TRPC3: variants seen among roughly 807,000 people sequenced by gnomAD.
TRPC3 encodes the protein short transient receptor potential channel 3.
In TRPC3, 54 loss-of-function variants were observed where a neutral mutation model predicts 90.9. The ratio of observed to expected loss-of-function variants is 0.59; its 90% confidence interval spans 0.48 to 0.75. The LOEUF (loss-of-function observed/expected upper bound fraction) is 0.75. Among genes scored for constraint, TRPC3 ranks in the 30% least tolerant of loss-of-function variants. The pLI, the probability that TRPC3 is intolerant of heterozygous loss-of-function variation, is 0.00. For missense variants in TRPC3, 918 were observed against 1,194.5 expected (o/e 0.77, Z 3.41); for synonymous variants, 424 against 450.9 (o/e 0.94, Z 0.75).
intron 2 of TRPC3, among the ~76,000 whole-genome samples, chr4:121,930,456 A>T (rs191290784): frequency 1.3e-5 from 2 of 152,238 alleles, no homozygotes; most frequent in East Asian, 3.9e-4. Context: ...AATAAGGGAG[A>T]TTCTAAGCAT....
intron 7 of TRPC3, among the ~76,000 whole-genome samples, chr4:121,905,935 T>C (rs1345120445): frequency 1.3e-5 from 2 of 152,094 alleles, no homozygotes; most frequent in African/African-American, 4.8e-5. Flanking sequence ...GTTCCTACCA[T>C]TTATTTAACC....
In TRPC3 at chr4:121,912,091, C is replaced by T. The variant is rs941392948; in HGVS notation, c.1344G>A (p.Leu448=). The change falls in exon 5 of 12, where the codon CTG becomes CTA. Residue 448 remains leucine (L), a splice_region_variant and synonymous_variant. Coordinates refer to ENST00000379645, the MANE Select transcript of TRPC3 (RefSeq NM_001130698.2). ...IGYWIAPCSR[L]GKILRSPFMK... ...TAAAAGGGCTTCGCAGAATTTTCCC[C>T]AGCTGTAACAAACCAAAGAGGAAAA... 1 of 1,612,808 alleles carries T rather than the reference C, an allele frequency of 6.2e-7. No individual in the cohort carries two copies. The highest frequency in any genetic ancestry group is 8.5e-7 in the Non-Finnish European group (1 of 1,179,406).
chr4:121,951,768 A>G lies in TRPC3; in HGVS notation c.-88T>C. ...TGCAGTCTTCCCGCGGCGCCCCTTCACCACCTCCCGCGGCTTCCGGGGCCC... is the reference window on the plus strand; with the variant it reads ...TGCAGTCTTCCCGCGGCGCCCCTTCGCCACCTCCCGCGGCTTCCGGGGCCC... On this transcript the variant is annotated 5_prime_UTR_variant, in exon 1 of 12. Coordinates refer to ENST00000379645, the MANE Select transcript of TRPC3 (RefSeq NM_001130698.2). The surrounding 1 kb of genome is among the most constrained non-coding windows in gnomAD (Gnocchi z 4.4). 3 of 1,119,520 alleles carry G rather than the reference A, an allele frequency of 2.7e-6. No individual in the cohort carries two copies. Among genetic ancestry groups the G allele is most frequent in the Non-Finnish European group, 3.5e-6 (3 of 865,534 alleles). 69.3% of individuals were successfully genotyped at this position (1,119,520 alleles called of 1,614,324 possible). A position where few individuals can be genotyped will look rare whatever the true frequency, so the allele number is the denominator to read the frequency against.
chr4:121,877,304 G>A lies in TRPC3; in HGVS notation c.*2432C>T, dbSNP rs1727790307. Among the ~76,000 whole-genome samples the A allele has an allele frequency of 6.6e-6, 1 of 152,210 alleles. No individual in the cohort carries two copies. The highest frequency in any genetic ancestry group is 6.5e-5 in the Admixed American group (1 of 15,282). On this transcript the variant is annotated 3_prime_UTR_variant, in exon 12 of 12. Transcript: ENST00000379645. ...AAAGGGAAGGAAGGAAACTGGAAAA[G>A]GCAGAGGAAGAATCTAAACCAGGAT...
intron 10 of TRPC3, among the ~76,000 whole-genome samples, chr4:121,896,756 A>C (rs1043296925): frequency 1.3e-5 from 2 of 152,134 alleles, no homozygotes; most frequent in African/African-American, 4.8e-5. Flanking sequence ...TCCTATCAAA[A>C]TACCAATGAC....
chr4:121,934,926 C>G (rs1730079819), intron 1 of TRPC3, among the ~76,000 whole-genome samples: 1 of 152,092 alleles, frequency 6.6e-6, no homozygotes, highest in African/African-American at 2.4e-5. Context: ...TGACTGGCAC[C>G]CAATTCTAAT....
intron 3 of TRPC3, among the ~76,000 whole-genome samples, chr4:121,919,352 G>A (rs1374087743): frequency 6.6e-6 from 1 of 152,170 alleles, no homozygotes; most frequent in African/African-American, 2.4e-5. Context: ...TACTGTTAGA[G>A]CCACAATTCA....
intron 9 of TRPC3, among the ~76,000 whole-genome samples, chr4:121,902,634 G>GT (rs1728741553): frequency 1.3e-5 from 2 of 152,144 alleles, no homozygotes; most frequent in Non-Finnish European, 2.9e-5. Flanking sequence ...TAATCTGGCA[G>GT]TTTATATGAT....
chr4:121,947,183 C>CAAA lies in TRPC3; in HGVS notation c.215+4280_215+4282dup, dbSNP rs11457162. Among the ~76,000 whole-genome samples, 63 of 91,964 alleles carry CAAA rather than the reference C, an allele frequency of 6.9e-4. 1 individual carries two copies. Among genetic ancestry groups the CAAA allele is most frequent in the African/African-American group, 2.3e-3 (54 of 23,192 alleles). The allele number at this position is 91,964 out of a possible 152,430, so 60.3% of individuals were successfully genotyped here. A position where few individuals can be genotyped will look rare whatever the true frequency, so the allele number is the denominator to read the frequency against. On this transcript the variant is annotated intron_variant, in intron 1 of 11. Transcript: ENST00000379645. Reference sequence around the variant, plus strand: ...TAGGTGATAGAGTGAGACTCTGTCTCAAAAAAAAAAAAAAAAAAAGAATTA... The same window carrying CAAA: ...TAGGTGATAGAGTGAGACTCTGTCTCAAAAAAAAAAAAAAAAAAAAAAGAATTA...
chr4:121,921,251 G>C (rs1043123867), intron 3 of TRPC3, among the ~76,000 whole-genome samples: 1 of 151,976 alleles, frequency 6.6e-6, no homozygotes, highest in Non-Finnish European at 1.5e-5. Context: ...GGCCGGGCGC[G>C]GTGGCTCACG....
chr4:121,935,395 G>A (rs557264242), intron 1 of TRPC3, among the ~76,000 whole-genome samples: 2 of 149,746 alleles, frequency 1.3e-5, no homozygotes, highest in South Asian at 4.3e-4. Context: ...AAGGGTGCAA[G>A]TCTGAGTTGG....
chr4:121,900,546 C>G lies in TRPC3; in HGVS notation c.2464-851G>C, dbSNP rs563900494. Reference sequence around the variant, plus strand: ...CAATTGTGCCTGGAGAAAACCTTAGCTAACAAAGTTAATTCTCCAATCGGC... The same window carrying G: ...CAATTGTGCCTGGAGAAAACCTTAGGTAACAAAGTTAATTCTCCAATCGGC... On this transcript the variant is annotated intron_variant, in intron 9 of 11. Transcript: ENST00000379645. 2.0e-5 allele frequency among the ~76,000 whole-genome samples: 3 copies of G among 152,316 alleles called. No individual in the cohort carries two copies. The South Asian group carries it at 6.2e-4, about 32-fold the overall frequency.
intron 2 of TRPC3, among the ~76,000 whole-genome samples, chr4:121,931,664 G>C (rs575207088): frequency 2.6e-4 from 39 of 152,204 alleles, no homozygotes; most frequent in Non-Finnish European, 5.1e-4. Context: ...AATTCAGGGA[G>C]AGGCATTTTG....
chr4:121,882,464 GATATAC>G, intron 10 of TRPC3, 35 bp from the exon 11 acceptor site: 1 of 1,590,116 alleles, frequency 6.3e-7, no homozygotes. Flanking sequence ...GATCTCCAAT[GATATAC>G]ATAAGTGCCC....
At chr4:121,899,437 A>T (rs1728627988) in intron 10 of TRPC3, among the ~76,000 whole-genome samples, 175 bp downstream of exon 10, 2 of 151,756 alleles carry the variant, frequency 1.3e-5, no homozygotes, top group East Asian at 1.9e-4. Context: ...TTTATTTTTA[A>T]TTTTTTTTTA....
At chr4:121,890,103 T>C (rs1305592560) in intron 10 of TRPC3, among the ~76,000 whole-genome samples, 1 of 152,178 alleles carries the variant, frequency 6.6e-6, no homozygotes, top group South Asian at 2.1e-4. Context: ...ATATGTGACA[T>C]CTTAAAAAGT....
intron 1 of TRPC3, among the ~76,000 whole-genome samples, chr4:121,937,692 C>A (rs1264396622): frequency 6.6e-6 from 1 of 152,178 alleles, no homozygotes; most frequent in African/African-American, 2.4e-5. Context: ...CCTAGAATTG[C>A]AAATCAAGAA....
At chr4:121,920,260 A>G (rs1405599547) in intron 3 of TRPC3, among the ~76,000 whole-genome samples, 1 of 152,084 alleles carries the variant, frequency 6.6e-6, no homozygotes, top group East Asian at 1.9e-4. Context: ...AGTGGCTCAC[A>G]CCTATAATCC....
chr4:121,930,848 A>AG (rs1560712304), intron 2 of TRPC3: 1 of 402,078 alleles, frequency 2.5e-6, no homozygotes, highest in African/African-American at 2.2e-5. Context: ...AAAAAAAAAA[A>AG]AAAAACATTT....
Sources: allele counts gnomAD v4.1 joint callset (sites outside exome capture counted in the v4.1 genomes callset), GRCh38; gene constraint gnomAD v4.1.1; non-coding constraint Gnocchi (gnomAD v3.1); transcripts MANE v1.5; gene names NCBI Gene and HGNC (gene_info 2026-07-23, HGNC 2026-07-21).